The following ATP2B1 variants were observed in gnomAD, a reference collection of about 807,000 sequenced individuals.
ATP2B1 encodes the protein ATPase plasma membrane Ca2+ transporting 1, also known as plasma membrane calcium-transporting ATPase 1.
ATP2B1 carries 14 observed loss-of-function variants against 124.2 expected under a neutral mutation model. That is an observed-to-expected ratio of 0.11 (90% confidence interval 0.07 to 0.18). The LOEUF (loss-of-function observed/expected upper bound fraction) is 0.18, where lower values mean the gene tolerates loss of function less well. ATP2B1 is among the 10% of genes least tolerant of loss of function. The pLI, the probability that ATP2B1 is intolerant of heterozygous loss-of-function variation, is 1.00. For synonymous variants in ATP2B1, 449 were observed against 492.4 expected (o/e 0.91, Z 1.17); for missense variants, 763 against 1,466.1 (o/e 0.52, Z 7.83).
At position 89,621,660 on chromosome 12, in the gene ATP2B1, T is replaced by C; in HGVS notation, c.1476A>G (p.Ile492Met). 6.2e-7 allele frequency: 1 copy of C among 1,612,274 alleles called. No homozygotes were observed. The highest frequency in any genetic ancestry group is 8.5e-7 in the Non-Finnish European group (1 of 1,178,944). Reference protein sequence around the residue: ...MNRMTVVQAYINEKHYKKVPE... With the variant: ...MNRMTVVQAYMNEKHYKKVPE... ...GAACCTTTTTATAATGTTTTTCATTTATGTAAGCTTGAACGACTGTCATTC... is the reference window on the plus strand; with the variant it reads ...GAACCTTTTTATAATGTTTTTCATTCATGTAAGCTTGAACGACTGTCATTC... The change falls in exon 10 of 21, where the codon ATA (isoleucine) becomes ATG (methionine). Residue 492 changes from isoleucine (I) to methionine (M), a missense_variant. Physicochemically the swap from Ile to Met is conservative, Grantham distance 10. This residue lies in a region of ATP2B1 where 392 missense variants were observed against 776.6 expected (regional missense o/e 0.50). Coordinates refer to ENST00000428670, the MANE Select transcript of ATP2B1 (RefSeq NM_001366521.1).
At chr12:89,681,502 T>G (rs557307352) in intron 1 of ATP2B1, among the ~76,000 whole-genome samples, 5 of 151,142 alleles carry the variant, frequency 3.3e-5, no homozygotes, top group African/African-American at 1.2e-4. Context: ...TGCCTCAGCC[T>G]CCTGAGTGGC....
upstream of ATP2B1, chr12:89,709,056 C>G (rs1264122119): frequency 6.6e-6 from 1 of 151,216 alleles, no homozygotes; most frequent in Admixed American, 6.6e-5. Context: ...GTGCAGCCAC[C>G]TCCGTGAGCG....
chr12:89,595,373 A>T (rs1874382661), intron 20 of ATP2B1, among the ~76,000 whole-genome samples: 1 of 151,994 alleles, frequency 6.6e-6, no homozygotes, highest in African/African-American at 2.4e-5. Flanking sequence ...AAAATCTACT[A>T]ATGGTAAAAA....
chr12:89,593,531 G>A (rs1469232008), intron 20 of ATP2B1: 1 of 152,042 alleles, frequency 6.6e-6, no homozygotes, highest in Non-Finnish European at 1.5e-5. Flanking sequence ...AGTGAGCAGT[G>A]AAGAATCGGG....
chr12:89,697,638 TAA>T, intron 1 of ATP2B1, among the ~76,000 whole-genome samples: 1 of 151,488 alleles, frequency 6.6e-6, no homozygotes, highest in South Asian at 2.1e-4. Flanking sequence ...TATACATGCA[TAA>T]AGTCTGTTTA....
intron 1 of ATP2B1, among the ~76,000 whole-genome samples, chr12:89,701,443 G>A (rs927500931): frequency 6.6e-6 from 1 of 152,130 alleles, no homozygotes; most frequent in Admixed American, 6.5e-5. Flanking sequence ...CAAATGTTCA[G>A]GTACTATTTT....
At chr12:89,613,298 A>G (rs1878375433) in intron 12 of ATP2B1, among the ~76,000 whole-genome samples, 2 of 152,166 alleles carry the variant, frequency 1.3e-5, no homozygotes. Context: ...CCATGTTTTA[A>G]AACATGTATG....
intron 1 of ATP2B1, among the ~76,000 whole-genome samples, chr12:89,678,126 A>G (rs1462780369): frequency 2.6e-5 from 4 of 151,792 alleles, no homozygotes; most frequent in Non-Finnish European, 4.4e-5. Flanking sequence ...CACTGACTAC[A>G]CATCCATGAA....
chr12:89,653,815 A>T (rs1885612520), intron 2 of ATP2B1, among the ~76,000 whole-genome samples: 1 of 152,198 alleles, frequency 6.6e-6, no homozygotes, highest in Non-Finnish European at 1.5e-5. Flanking sequence ...ACTCATGAGA[A>T]ATCATGTCTA....
chr12:89,658,362 A>G (rs558450386), intron 1 of ATP2B1, among the ~76,000 whole-genome samples: 2 of 152,240 alleles, frequency 1.3e-5, no homozygotes, highest in East Asian at 3.9e-4. Context: ...GGAGCCAGAT[A>G]ACTGGAGGAC....
At chr12:89,605,261 C>T (rs995691097) in intron 15 of ATP2B1, among the ~76,000 whole-genome samples, 7 of 152,126 alleles carry the variant, frequency 4.6e-5, no homozygotes, top group African/African-American at 1.7e-4. Flanking sequence ...CGAACCTTGC[C>T]ACGAGCTGAA....
intron 1 of ATP2B1, among the ~76,000 whole-genome samples, chr12:89,700,423 T>C (rs1891703649): frequency 6.6e-6 from 1 of 152,194 alleles, no homozygotes; most frequent in Non-Finnish European, 1.5e-5. Context: ...CTTAAGTTCA[T>C]GAGTCATTTT....
chr12:89,657,511 A>T (rs1480353036), intron 1 of ATP2B1, among the ~76,000 whole-genome samples: 1 of 152,222 alleles, frequency 6.6e-6, no homozygotes, highest in Non-Finnish European at 1.5e-5. Flanking sequence ...AAATATTTTT[A>T]AAATGTTTGA....
At position 89,603,624 on chromosome 12, in the gene ATP2B1, T is replaced by C. The variant is rs376519293; in HGVS notation, c.2848+88A>G. The C allele has an allele frequency of 3.4e-5, 47 of 1,382,978 alleles. No individual in the cohort carries two copies. Among genetic ancestry groups the C allele is most frequent in the East Asian group, 2.5e-4 (11 of 43,294 alleles). The allele number at this position is 1,382,978 out of a possible 1,614,324, so 85.7% of individuals were successfully genotyped here. The stretch of plus-strand genomic sequence containing the variant: ...GAAGTCAGGAGTAGAATTTAGGCTC[T>C]TGAAAATTTGTAACATTATAACATC... On this transcript the variant is annotated intron_variant, in intron 17 of 20. Transcript: ENST00000428670. The surrounding 1 kb of genome is among the most constrained non-coding windows in gnomAD (Gnocchi z 4.3).
chr12:89,676,280 G>A (rs1448591310), intron 1 of ATP2B1, among the ~76,000 whole-genome samples: 1 of 152,134 alleles, frequency 6.6e-6, no homozygotes, highest in Non-Finnish European at 1.5e-5. Flanking sequence ...GTAAGGTATT[G>A]CAAAAGAAAT....
In ATP2B1 at chr12:89,678,090, C is replaced by A. The variant is rs542866491; in HGVS notation, c.-221-21983G>T. Among the ~76,000 whole-genome samples, 7 of 150,580 alleles carry A rather than the reference C, an allele frequency of 4.6e-5. No individual in the cohort carries two copies. In the South Asian group the frequency reaches 1.0e-3, roughly 23 times the overall value. ...GTTCACTACAAACTAACCTAACTGGCCCCTACTTAACAAAAGATTTTTACA... is the reference window on the plus strand; with the variant it reads ...GTTCACTACAAACTAACCTAACTGGACCCTACTTAACAAAAGATTTTTACA... On this transcript the variant is annotated intron_variant, in intron 1 of 20. Transcript: ENST00000428670.
At chr12:89,672,884 G>A (rs1391201693) in intron 1 of ATP2B1, among the ~76,000 whole-genome samples, 1 of 152,176 alleles carries the variant, frequency 6.6e-6, no homozygotes, top group Non-Finnish European at 1.5e-5. Context: ...ACTGTACCTT[G>A]TCTGAAAGAC....
At chr12:89,676,977 C>T in intron 1 of ATP2B1, among the ~76,000 whole-genome samples, 1 of 151,906 alleles carries the variant, frequency 6.6e-6, no homozygotes, top group East Asian at 1.9e-4. Context: ...GCATTATGGA[C>T]CAAAAAATTC....
intron 8 of ATP2B1, among the ~76,000 whole-genome samples, chr12:89,625,093 A>T (rs533953944): frequency 6.7e-6 from 1 of 150,250 alleles, no homozygotes; most frequent in Non-Finnish European, 1.5e-5. Context: ...ACATGGTGAA[A>T]CCCCATCTCT....
Sources: allele counts gnomAD v4.1 joint callset (sites outside exome capture counted in the v4.1 genomes callset), GRCh38; gene constraint gnomAD v4.1.1; regional missense constraint gnomAD v4.1.1; non-coding constraint Gnocchi (gnomAD v3.1); transcripts MANE v1.5; gene names NCBI Gene and HGNC (gene_info 2026-07-23, HGNC 2026-07-21).